GNAT3: variants seen among roughly 807,000 people sequenced by gnomAD.
GNAT3 encodes the protein G protein subunit alpha transducin 3, also known as guanine nucleotide-binding protein G(t) subunit alpha-3.
Under a neutral mutation model 37.7 loss-of-function variants are expected in GNAT3, and 31 were observed. The observed-to-expected ratio is 0.82, with a 90% CI of 0.62 to 1.11. GNAT3 has a LOEUF of 1.11. Ranked by LOEUF, GNAT3 falls within the 50% of genes most tolerant of loss-of-function variation. The pLI is 0.00. For synonymous variants in GNAT3, 138 were observed against 139.8 expected (o/e 0.99, Z 0.09); for missense variants, 437 against 412.5 (o/e 1.06, Z -0.51).
intron 2 of GNAT3, among the ~76,000 whole-genome samples, chr7:80,491,588 C>T (rs916962391): frequency 1.1e-4 from 17 of 152,040 alleles, no homozygotes; most frequent in African/African-American, 2.2e-4. Context: ...GATAGTTAGA[C>T]GAACCGGGAA....
chr7:80,472,319 C>G lies in GNAT3; in HGVS notation c.590+1932G>C, dbSNP rs1289204904. Among the ~76,000 whole-genome samples the G allele has an allele frequency of 9.9e-5, 15 of 152,192 alleles. No homozygotes were observed. The South Asian group carries it at 2.5e-3, about 25-fold the overall frequency. ...CAGAAAAATCAAGAGCTACAATCAG[C>G]CAGCCCTCCATCGCCTTACTGCCCC... On this transcript the variant is annotated intron_variant, in intron 5 of 7. Transcript: ENST00000398291.
intron 3 of GNAT3, among the ~76,000 whole-genome samples, chr7:80,483,874 T>C (rs1790433309): frequency 6.6e-6 from 1 of 152,306 alleles, no homozygotes; most frequent in South Asian, 2.1e-4. Flanking sequence ...AAAGAAGTTT[T>C]ATTTCCCTAT....
intron 1 of GNAT3, among the ~76,000 whole-genome samples, chr7:80,509,040 G>C (rs541811451): frequency 1.3e-5 from 2 of 152,014 alleles, no homozygotes; most frequent in African/African-American, 4.8e-5. Context: ...TCATTCAGAC[G>C]ACACTGATGA....
Position 80,478,959 on chromosome 7 carries a change from C to G in GNAT3, c.343G>C (p.Glu115Gln). The change falls in exon 4 of 8, where the codon GAA becomes CAA. Residue 115 changes from glutamate (E) to glutamine (Q), a missense_variant. Coordinates refer to ENST00000398291, the MANE Select transcript of GNAT3 (RefSeq NM_001102386.3). The stretch of plus-strand genomic sequence containing the variant: ...AGTTGAGGTGTCATGCCACCATCTT[C>G]CAGGGTATTTGCCATTGCATAAAGT... ...RQLYAMANTL[E>Q]DGGMTPQLAE... is the part of the protein sequence containing the mutation. 2.5e-6 allele frequency: 4 copies of G among 1,612,862 alleles called. No homozygotes were observed. The highest frequency in any genetic ancestry group is 2.5e-6 in the Non-Finnish European group (3 of 1,179,290).
Position 80,488,575 on chromosome 7 carries a change from A to T in GNAT3, c.263T>A (p.Met88Lys). 6.2e-7 allele frequency: 1 copy of T among 1,601,094 alleles called. No homozygotes were observed. Among genetic ancestry groups the T allele is most frequent in the Non-Finnish European group, 8.5e-7 (1 of 1,172,640 alleles). ...TACATAATCAATTCCAAGGGTAGTC[A>T]TGGCTTTCACAATAGCTAGGATGGA... ...LQSILAIVKA[M>K]TTLGIDYVNP... The change falls in exon 3 of 8, where the codon ATG (methionine) becomes AAG (lysine). Residue 88 changes from methionine (M) to lysine (K), a missense_variant. Coordinates refer to ENST00000398291, the MANE Select transcript of GNAT3 (RefSeq NM_001102386.3).
intron 3 of GNAT3, among the ~76,000 whole-genome samples, chr7:80,481,380 G>C (rs1354003861): frequency 6.6e-6 from 1 of 152,078 alleles, no homozygotes; most frequent in African/African-American, 2.4e-5. Flanking sequence ...GAAGGGTGGG[G>C]TCAGACATGC....
At chr7:80,467,232 A>G (rs1187055173) in intron 5 of GNAT3, among the ~76,000 whole-genome samples, 1 of 152,120 alleles carries the variant, frequency 6.6e-6, no homozygotes, top group Non-Finnish European at 1.5e-5. Flanking sequence ...CAGTCTTAGC[A>G]TTTTGTTCAT....
chr7:80,465,919 G>A (rs1790122101), intron 5 of GNAT3, among the ~76,000 whole-genome samples: 1 of 152,070 alleles, frequency 6.6e-6, no homozygotes, highest in Non-Finnish European at 1.5e-5. Context: ...ATTGAACAAT[G>A]ATGATTAACT....
At chr7:80,499,549 T>C (rs1467711555) in intron 1 of GNAT3, among the ~76,000 whole-genome samples, 1 of 152,198 alleles carries the variant, frequency 6.6e-6, no homozygotes, top group Non-Finnish European at 1.5e-5. Flanking sequence ...CACCTGGCCT[T>C]GAAAGCAGTG....
Position 80,497,595 on chromosome 7 carries a change from TATATAC to T in GNAT3, c.119-2954_119-2949del, listed in dbSNP as rs1562732843. ...ATACATATACGTATATACATATACG[TATATAC>T]ATATACGTATATACATATACGTATA... On this transcript the variant is annotated intron_variant, in intron 1 of 7. Transcript: ENST00000398291. Among the ~76,000 whole-genome samples the T allele has an allele frequency of 8.2e-3, 1,132 of 138,678 alleles. 90 individuals carry two copies. The highest frequency in any genetic ancestry group is 0.03 in the African/African-American group (1,079 of 36,460). The allele number at this position is 138,678 out of a possible 152,430, so 91.0% of individuals were successfully genotyped here.
At chr7:80,497,939 T>C (rs1054590758) in intron 1 of GNAT3, among the ~76,000 whole-genome samples, 6 of 152,128 alleles carry the variant, frequency 3.9e-5, no homozygotes, top group Non-Finnish European at 7.4e-5. Flanking sequence ...TCTTGAGATA[T>C]TGAGCCTAAT....
At chr7:80,486,266 A>G (rs886933027) in intron 3 of GNAT3, among the ~76,000 whole-genome samples, 1 of 152,176 alleles carries the variant, frequency 6.6e-6, no homozygotes, top group South Asian at 2.1e-4. Flanking sequence ...GGTACTCTTG[A>G]GAAGTTATGA....
intron 5 of GNAT3, among the ~76,000 whole-genome samples, chr7:80,463,308 C>G (rs1790082458): frequency 6.6e-6 from 1 of 152,110 alleles, no homozygotes; most frequent in Non-Finnish European, 1.5e-5. Flanking sequence ...CTTTCCTCTA[C>G]TTTTATATTT....
chr7:80,498,456 G>T (rs182512039), intron 1 of GNAT3, among the ~76,000 whole-genome samples: 1 of 152,150 alleles, frequency 6.6e-6, no homozygotes, highest in Admixed American at 6.5e-5. Context: ...TCTATGTAAA[G>T]GTCCAGTATA....
At chr7:80,490,043 G>A (rs1035724416) in intron 2 of GNAT3, among the ~76,000 whole-genome samples, 1 of 152,108 alleles carries the variant, frequency 6.6e-6, no homozygotes, top group Admixed American at 6.6e-5. Context: ...ATAAATTTCA[G>A]TGAGATAGAG....
intron 1 of GNAT3, among the ~76,000 whole-genome samples, chr7:80,505,522 A>G (rs1790919208): frequency 6.6e-6 from 1 of 151,964 alleles, no homozygotes; most frequent in South Asian, 2.1e-4. Flanking sequence ...GCCCGCCAAC[A>G]CGCCCGGCTA....
intron 5 of GNAT3, among the ~76,000 whole-genome samples, chr7:80,473,246 G>T (rs1018934950): frequency 3.3e-5 from 5 of 152,104 alleles, no homozygotes; most frequent in African/African-American, 1.2e-4. Context: ...CTATTTGTGG[G>T]CCTAAAATTT....
intron 2 of GNAT3, 54 bp downstream of exon 2, chr7:80,494,551 C>A: frequency 3.2e-6 from 3 of 932,992 alleles, no homozygotes; most frequent in South Asian, 3.1e-5. Context: ...TAAGAATGGT[C>A]AAATACATGG....
chr7:80,481,897 T>G (rs1790397448), intron 3 of GNAT3, among the ~76,000 whole-genome samples: 1 of 152,178 alleles, frequency 6.6e-6, no homozygotes, highest in Admixed American at 6.6e-5. Context: ...TTAATTCTTT[T>G]CAACCAATCA....
Sources: allele counts gnomAD v4.1 joint callset (sites outside exome capture counted in the v4.1 genomes callset), GRCh38; gene constraint gnomAD v4.1.1; transcripts MANE v1.5; gene names NCBI Gene and HGNC (gene_info 2026-07-23, HGNC 2026-07-21).